BAZ2B: variants seen among roughly 807,000 people sequenced by gnomAD.
The protein encoded by BAZ2B is bromodomain adjacent to zinc finger domain 2B.
In BAZ2B, 91 loss-of-function variants were observed where a neutral mutation model predicts 246.0. The ratio of observed to expected loss-of-function variants is 0.37; its 90% confidence interval spans 0.31 to 0.44. The LOEUF is 0.44. Among genes scored for constraint, BAZ2B ranks in the 20% least tolerant of loss-of-function variants. The probability of loss-of-function intolerance (pLI) is 1.00; values close to 1 mark genes in which losing one functional copy is unlikely to be tolerated. For synonymous variants in BAZ2B, 855 were observed against 860.0 expected (o/e 0.99, Z 0.10); for missense variants, 2,332 against 2,533.7 (o/e 0.92, Z 1.71).
At chr2:159,411,913 T>C (rs774406805) in intron 14 of BAZ2B, 5 of 983,706 alleles carry the variant, frequency 5.1e-6, no homozygotes, top group Non-Finnish European at 6.0e-6. Context: ...TTACCAGTAA[T>C]TGGAGTTCTC....
At chr2:159,445,036 T>C (rs551841972) in intron 6 of BAZ2B, 2 of 152,280 alleles carry the variant, frequency 1.3e-5, no homozygotes, top group South Asian at 2.1e-4. Flanking sequence ...GCTTACTTAG[T>C]TAGATAAATG....
At chr2:159,560,444 G>A (rs1180513469) in intron 1 of BAZ2B, among the ~76,000 whole-genome samples, 2 of 152,166 alleles carry the variant, frequency 1.3e-5, no homozygotes, top group African/African-American at 4.8e-5. Context: ...TGTGCTATTT[G>A]TAGACTGTAT....
At chr2:159,505,381 C>T (rs1030973031) in intron 2 of BAZ2B, among the ~76,000 whole-genome samples, 2 of 152,236 alleles carry the variant, frequency 1.3e-5, no homozygotes, top group South Asian at 2.1e-4. Context: ...AGGCCCATCT[C>T]CAGATCAATT....
chr2:159,711,818 T>A, the BAZ2B span: 1 of 152,194 alleles, frequency 6.6e-6, no homozygotes, highest in Non-Finnish European at 1.5e-5. Context: ...TCCCTCTTTC[T>A]AAATAGGTGA....
chr2:159,426,453 A>G (rs1314636214), intron 13 of BAZ2B, among the ~76,000 whole-genome samples: 1 of 152,160 alleles, frequency 6.6e-6, no homozygotes, highest in African/African-American at 2.4e-5. Context: ...TTTAAAACTG[A>G]TATCGTGTAT....
At chr2:159,500,431 T>C (rs996004429) in intron 2 of BAZ2B, among the ~76,000 whole-genome samples, 5 of 152,212 alleles carry the variant, frequency 3.3e-5, no homozygotes, top group African/African-American at 7.2e-5. Context: ...CCTTGTAGTA[T>C]AGTTTGAAGT....
chr2:159,383,793 A>G, intron 23 of BAZ2B, 113 bp from the exon 24 acceptor site: 1 of 852,452 alleles, frequency 1.2e-6, no homozygotes. Context: ...ATAAGTAAAA[A>G]TGATACAACT....
Position 159,433,117 on chromosome 2 carries a change from T to C in BAZ2B, c.1540A>G (p.Lys514Glu). 5 of 1,614,234 alleles carry C rather than the reference T, an allele frequency of 3.1e-6. No homozygotes were observed. In the South Asian group the frequency reaches 3.3e-5, roughly 11 times the overall value. Residue 514 changes from lysine (K) to glutamate (E), a missense_variant, in exon 9 of 37, where the codon AAA becomes GAA. Physicochemically the swap from Lys to Glu is moderately conservative, Grantham distance 56. Around this residue, in one of 9 missense-constraint regions of BAZ2B, gnomAD observed 651 missense variants for 650.9 expected, o/e 1.00. Coordinates refer to ENST00000392783, the MANE Select transcript of BAZ2B (RefSeq NM_013450.4). ...TTTTCATTAATCTTGCTCTGCATTT[T>C]AGTTTTGGTAGTAAGTGCTAGAGGA... ...EAPLALTTKT[K>E]MQSKINENIA...
intron 16 of BAZ2B, among the ~76,000 whole-genome samples, 180 bp from the exon 17 acceptor site, chr2:159,400,844 T>C (rs771918036): frequency 2.2e-4 from 34 of 152,034 alleles, no homozygotes; most frequent in Non-Finnish European, 3.8e-4. Flanking sequence ...ATCGAGACCA[T>C]CCTGGCTAAC....
chr2:159,696,773 A>G, the BAZ2B span, among the ~76,000 whole-genome samples: 1 of 152,126 alleles, frequency 6.6e-6, no homozygotes, highest in African/African-American at 2.4e-5. Context: ...GGTTATATGC[A>G]GTGTTTTTTT....
At chr2:159,494,073 T>TG (rs775455307) in intron 2 of BAZ2B, among the ~76,000 whole-genome samples, 5 of 152,136 alleles carry the variant, frequency 3.3e-5, no homozygotes, top group Non-Finnish European at 7.4e-5. Context: ...TACTAGCACT[T>TG]GCATTAGAAT....
Position 159,431,031 on chromosome 2 carries a change from T to C in BAZ2B, c.2026A>G (p.Thr676Ala). The change falls in exon 10 of 37, where the codon ACT (threonine) becomes GCT (alanine). Residue 676 changes from threonine to alanine, a missense_variant. Transcript: ENST00000392783. The stretch of plus-strand genomic sequence containing the variant: ...ATGGAAGGGCTTTTGACAGAGGAAG[T>C]TGTTTTATTCAGTTTCATTGAAGTT... ...EKTSMKLNKT[T>A]SSVKSPSMSL... is the part of the protein sequence containing the mutation. 6.2e-7 allele frequency: 1 copy of C among 1,614,022 alleles called. No individual in the cohort carries two copies. The highest frequency in any genetic ancestry group is 8.5e-7 in the Non-Finnish European group (1 of 1,179,924).
At chr2:159,417,184 T>G (rs2067884019) in intron 13 of BAZ2B, among the ~76,000 whole-genome samples, 1 of 151,386 alleles carries the variant, frequency 6.6e-6, no homozygotes, top group South Asian at 2.1e-4. Flanking sequence ...TGTTTTTTTT[T>G]TTTTGAGCTG....
intron 27 of BAZ2B, among the ~76,000 whole-genome samples, chr2:159,364,036 T>C (rs2059977174): frequency 6.6e-6 from 1 of 152,318 alleles, no homozygotes; most frequent in African/African-American, 2.4e-5. Context: ...GAGTCAACTC[T>C]AGAAGCCAAG....
In BAZ2B at chr2:159,610,443, A is replaced by G. The variant is rs540042740; in HGVS notation, c.-46+5799T>C. On this transcript the variant is annotated intron_variant, in intron 1 of 36. Coordinates refer to ENST00000392783, the MANE Select transcript of BAZ2B (RefSeq NM_013450.4). ...CAATTTGATGAACCTCTCTGCCCTC[A>G]GCAGGAGTGCACCGTCTTTGATTAA... Among the ~76,000 whole-genome samples, 23 of 152,304 alleles carry G rather than the reference A, an allele frequency of 1.5e-4. 1 individual carries two copies. The South Asian group carries it at 4.8e-3, about 32-fold the overall frequency.
intron 6 of BAZ2B, among the ~76,000 whole-genome samples, chr2:159,441,503 G>A (rs888920717): frequency 1.5e-5 from 2 of 137,748 alleles, no homozygotes; most frequent in South Asian, 2.4e-4. Context: ...GAGAAGACAA[G>A]TGTGAGTATT....
intron 27 of BAZ2B, among the ~76,000 whole-genome samples, chr2:159,369,213 G>A (rs993461822): frequency 3.9e-5 from 6 of 152,130 alleles, no homozygotes; most frequent in African/African-American, 4.8e-5. Context: ...GTGAAATTTC[G>A]ATGGTAGAAG....
At chr2:159,584,152 T>C (rs1687501506) in intron 1 of BAZ2B, among the ~76,000 whole-genome samples, 1 of 151,804 alleles carries the variant, frequency 6.6e-6, no homozygotes, top group Non-Finnish European at 1.5e-5. Context: ...AGATGGAGTC[T>C]TGCTTTATTG....
At chr2:159,337,897 C>A in intron 31 of BAZ2B, 125 bp from the exon 32 acceptor site, 1 of 855,088 alleles carries the variant, frequency 1.2e-6, no homozygotes, top group Non-Finnish European at 1.7e-6. Flanking sequence ...AAAGATTTTA[C>A]CTTGTGTTTC....
Sources: allele counts gnomAD v4.1 joint callset (sites outside exome capture counted in the v4.1 genomes callset), GRCh38; gene constraint gnomAD v4.1.1; regional missense constraint gnomAD v4.1.1; transcripts MANE v1.5; gene names NCBI Gene and HGNC (gene_info 2026-07-23, HGNC 2026-07-21).